LDLRAP1: variants seen among roughly 807,000 people sequenced by gnomAD.
LDLRAP1 encodes low density lipoprotein receptor adaptor protein 1.
Under a neutral mutation model 37.8 loss-of-function variants are expected in LDLRAP1, and 30 were observed. The ratio of observed to expected loss-of-function variants is 0.79; its 90% CI spans 0.59 to 1.08. The LOEUF is 1.08. LDLRAP1 is among the 50% of genes least tolerant of loss of function. LDLRAP1 has a pLI of 0.00. For missense variants in LDLRAP1, 375 were observed against 401.6 expected, an observed-to-expected ratio of 0.93 and a Z score of 0.57; for synonymous variants, 156 against 169.8, an observed-to-expected ratio of 0.92 and a Z score of 0.63.
At chr1:25,578,609 G>A in the LDLRAP1 span, among the ~76,000 whole-genome samples, 2 of 151,870 alleles carry the variant, frequency 1.3e-5, no homozygotes, top group Non-Finnish European at 2.9e-5. Context: ...CAACCTCCCC[G>A]GCCCAAGCGA....
chr1:25,582,573 G>T, the LDLRAP1 span, among the ~76,000 whole-genome samples: 3 of 135,928 alleles, frequency 2.2e-5, no homozygotes, highest in African/African-American at 9.1e-5. Flanking sequence ...GACAGAGCGA[G>T]ACCCCATCTC....
intron 6 of LDLRAP1, 140 bp downstream of exon 6, chr1:25,563,293 T>C (rs1379056858): frequency 6.1e-6 from 4 of 659,664 alleles, no homozygotes; most frequent in Non-Finnish European, 1.1e-5. Flanking sequence ...ACACGTTCAT[T>C]ACAGATCAAT....
At chr1:25,547,350 G>C (rs1025810340) in intron 1 of LDLRAP1, among the ~76,000 whole-genome samples, 2 of 152,062 alleles carry the variant, frequency 1.3e-5, no homozygotes, top group East Asian at 1.9e-4. Flanking sequence ...GGGTGGGGTG[G>C]TGCAGGCCTG....
chr1:25,568,558 C>T lies in LDLRAP1; in HGVS notation c.*1566C>T, dbSNP rs2044546459. On this transcript the variant is annotated 3_prime_UTR_variant, in exon 9 of 9. Transcript: ENST00000374338. The stretch of plus-strand genomic sequence containing the variant: ...AACCGGACACCTTAGACGGAGGTGC[C>T]TGAGGGTGGGGTGGGATTTGCAGGG... 6.6e-6 allele frequency: 1 copy of T among 152,262 alleles called. No homozygotes were observed. Among genetic ancestry groups the T allele is most frequent in the Non-Finnish European group, 1.5e-5 (1 of 68,058 alleles). The allele number at this position is 152,262 out of a possible 1,614,324, so 9.4% of individuals were successfully genotyped here. A position where few individuals can be genotyped will look rare whatever the true frequency, so the allele number is the denominator to read the frequency against.
At chr1:25,578,756 A>C in the LDLRAP1 span, among the ~76,000 whole-genome samples, 4 of 152,142 alleles carry the variant, frequency 2.6e-5, no homozygotes, top group Admixed American at 2.6e-4. Flanking sequence ...AGACTCAATC[A>C]ATCCATCCAC....
intron 5 of LDLRAP1, 119 bp from the exon 6 acceptor site, chr1:25,562,951 G>A (rs886221574): frequency 7.8e-6 from 8 of 1,019,492 alleles, no homozygotes; most frequent in Admixed American, 1.7e-5. Context: ...CTTTCCTCCC[G>A]GCTGGAAACC....
At chr1:25,563,949 A>G in intron 7 of LDLRAP1, 158 bp downstream of exon 7, 1 of 880,268 alleles carries the variant, frequency 1.1e-6, no homozygotes, top group Non-Finnish European at 1.8e-6. Context: ...TAGGGGATGA[A>G]CAATGTCCCT....
downstream of LDLRAP1, among the ~76,000 whole-genome samples, chr1:25,569,182 T>C (rs1009421274): frequency 6.6e-6 from 1 of 152,226 alleles, no homozygotes; most frequent in African/African-American, 2.4e-5. Flanking sequence ...GGCCAGGCTG[T>C]GAGTCCCCTG....
rs71014373 is a variant in LDLRAP1, at chr1:25,547,486, TAATAAATAAATA to T, written c.88+3731_88+3742del. 1.4e-3 allele frequency among the ~76,000 whole-genome samples: 205 copies of T among 145,842 alleles called. No homozygotes were observed. The Middle Eastern group carries it at 0.042, about 30-fold the overall frequency. ...GGACACAGTGAGACTTTGTCTCAAA[TAATAAATAAATA>T]AATAAATAAATAAATAAATAAATAA... is the stretch of plus-strand genomic sequence containing the variant. On this transcript the variant is annotated intron_variant, in intron 1 of 8. Transcript: ENST00000374338.
At chr1:25,551,765 T>C (rs954446018) in intron 1 of LDLRAP1, among the ~76,000 whole-genome samples, 7 of 152,234 alleles carry the variant, frequency 4.6e-5, no homozygotes, top group Middle Eastern at 3.4e-3. Context: ...TGGCCTCATG[T>C]TGGGGTGGAG....
rs1332082564 is a variant in LDLRAP1 at position 25,553,988 on chromosome 1, A to T, written c.155A>T (p.Tyr52Phe). 1 of 1,614,012 alleles carries T rather than the reference A, an allele frequency of 6.2e-7. No individual in the cohort carries two copies. Among genetic ancestry groups the T allele is most frequent in the Admixed American group, 1.7e-5 (1 of 60,012 alleles). ...GAGGGGATGCTGTTCAGCCTCAAGT[A>T]CCTGGGCATGACGCTAGTGGAGCAG... ...LLEGMLFSLK[Y>F]LGMTLVEQPK... Residue 52 changes from tyrosine to phenylalanine, a missense_variant, in exon 2 of 9, where the codon TAC (tyrosine) becomes TTC (phenylalanine). Tyr to Phe is a conservative substitution (Grantham distance 22). Transcript: ENST00000374338.
In LDLRAP1 at chr1:25,554,429, C is replaced by T. The variant is rs569651959; in HGVS notation, c.231+365C>T. Among the ~76,000 whole-genome samples, 2 of 152,308 alleles carry T rather than the reference C, an allele frequency of 1.3e-5. No individual in the cohort carries two copies. Among genetic ancestry groups the T allele is most frequent in the Admixed American group, 6.5e-5 (1 of 15,300 alleles). On this transcript the variant is annotated intron_variant, in intron 2 of 8. Transcript: ENST00000374338. This position sits in a 1 kb window ranked among gnomAD's most constrained non-coding sequence, Gnocchi z 5.4. ...CCATCAGAGAGCAGATTGCCCCCTC[C>T]CTAACTTTGAGCAAGGGTGGGCCTT...
chr1:25,553,887 C>A lies in LDLRAP1; in HGVS notation c.89-35C>A, dbSNP rs199506669. ...CTGTTGCTGGTGGTGGGCCCTGAGCCGCAGGGTCTGAGGGCCTACCCTGTG... is the reference window on the plus strand; with the variant it reads ...CTGTTGCTGGTGGTGGGCCCTGAGCAGCAGGGTCTGAGGGCCTACCCTGTG... On this transcript the variant is annotated intron_variant, in intron 1 of 8. Coordinates refer to ENST00000374338, the MANE Select transcript of LDLRAP1 (RefSeq NM_015627.3). 2.0e-4 allele frequency: 319 copies of A among 1,610,660 alleles called. 1 individual carries two copies. In the Middle Eastern group the frequency reaches 3.8e-3, roughly 19 times the overall value.
chr1:25,585,333 T>G, the LDLRAP1 span, among the ~76,000 whole-genome samples: 3 of 149,308 alleles, frequency 2.0e-5, no homozygotes, highest in Admixed American at 6.6e-5. Flanking sequence ...TATTTTTTGT[T>G]TTTTTTTTTT....
At chr1:25,586,459 A>G in the LDLRAP1 span, among the ~76,000 whole-genome samples, 4 of 151,934 alleles carry the variant, frequency 2.6e-5, no homozygotes, top group Non-Finnish European at 5.9e-5. The surrounding 1 kb of genome is among the most constrained non-coding windows in gnomAD (Gnocchi z 4.3). Context: ...AGGGCCACAT[A>G]CCTAGATCTC....
chr1:25,553,065 C>G (rs781004267), intron 1 of LDLRAP1, among the ~76,000 whole-genome samples: 2 of 150,434 alleles, frequency 1.3e-5, no homozygotes, highest in African/African-American at 4.9e-5. Context: ...TCCCTGCTCT[C>G]CCTGGGCTAC....
At chr1:25,571,893 G>A (rs1254672834), downstream of LDLRAP1, among the ~76,000 whole-genome samples, 1 of 152,186 alleles carries the variant, frequency 6.6e-6, no homozygotes, top group African/African-American at 2.4e-5. Flanking sequence ...GCCCCAGCAC[G>A]GCCTGTCTCA....
intron 7 of LDLRAP1, chr1:25,564,929 C>T: frequency 1.8e-6 from 1 of 541,572 alleles, no homozygotes; most frequent in Non-Finnish European, 3.3e-6. Context: ...ACTGAACCCA[C>T]CTGGGTCTCC....
rs2044140379 is a variant in LDLRAP1, at chr1:25,553,993, G to C, written c.160G>C (p.Gly54Arg). The change falls in exon 2 of 9, where the codon GGC (glycine) becomes CGC (arginine). Residue 54 changes from glycine (G) to arginine (R), a missense_variant. Gly to Arg is a moderately radical substitution (Grantham distance 125). Coordinates refer to ENST00000374338, the MANE Select transcript of LDLRAP1 (RefSeq NM_015627.3). ...EGMLFSLKYL[G>R]MTLVEQPKGE... ...GATGCTGTTCAGCCTCAAGTACCTG[G>C]GCATGACGCTAGTGGAGCAGCCCAA... 6.2e-7 allele frequency: 1 copy of C among 1,613,984 alleles called. No homozygotes were observed.
Sources: gnomAD v4.1 joint callset for allele counts (sites outside exome capture counted in the v4.1 genomes callset) on GRCh38, gnomAD v4.1.1 for gene constraint, Gnocchi (gnomAD v3.1) non-coding constraint, MANE v1.5 for transcripts, NCBI Gene and HGNC (gene_info 2026-07-23, HGNC 2026-07-21) for gene names.